The following SLC9A9 variants were observed in gnomAD, a reference collection of about 807,000 sequenced individuals.
SLC9A9 encodes solute carrier family 9 member A9.
A neutral mutation model predicts 77.8 loss-of-function variants in SLC9A9; 62 were observed. The observed-to-expected ratio is 0.80, with a 90% CI of 0.65 to 0.98. The LOEUF is 0.98. SLC9A9 is among the 50% of genes least tolerant of loss of function. The pLI is 0.00. For missense variants in SLC9A9, 775 were observed against 774.9 expected, an observed-to-expected ratio of 1.00 and a Z score of 0.00; for synonymous variants, 320 against 283.5, an observed-to-expected ratio of 1.13 and a Z score of -1.29.
At chr3:143,305,509 C>T (rs1279331637) in intron 14 of SLC9A9, among the ~76,000 whole-genome samples, 1 of 152,068 alleles carries the variant, frequency 6.6e-6, no homozygotes, top group African/African-American at 2.4e-5. Context: ...CCTTAAAGTC[C>T]CAAAGGCAAT....
At chr3:143,502,363 G>T (rs2035936665) in intron 9 of SLC9A9, among the ~76,000 whole-genome samples, 1 of 142,932 alleles carries the variant, frequency 7.0e-6, no homozygotes, top group South Asian at 2.1e-4. Context: ...AACGCTCATG[G>T]TAACCATTCA....
intron 5 of SLC9A9, among the ~76,000 whole-genome samples, chr3:143,679,092 G>A (rs559323670): frequency 5.6e-5 from 8 of 143,906 alleles, no homozygotes; most frequent in Admixed American, 2.9e-4. Flanking sequence ...GGCAATGGGC[G>A]GCTACACACA....
intron 4 of SLC9A9, among the ~76,000 whole-genome samples, chr3:143,738,608 C>A (rs1439534714): frequency 6.6e-6 from 1 of 152,120 alleles, no homozygotes; most frequent in African/African-American, 2.4e-5. Flanking sequence ...TACTATCTAC[C>A]TGGAGTTAGT....
At chr3:143,593,493 C>T (rs2037692685) in intron 6 of SLC9A9, among the ~76,000 whole-genome samples, 1 of 152,164 alleles carries the variant, frequency 6.6e-6, no homozygotes, top group Admixed American at 6.5e-5. Flanking sequence ...TTATTCAAAC[C>T]TATTATCACC....
At chr3:143,802,797 G>A (rs1017762572) in intron 2 of SLC9A9, among the ~76,000 whole-genome samples, 1 of 152,130 alleles carries the variant, frequency 6.6e-6, no homozygotes, top group Non-Finnish European at 1.5e-5. Flanking sequence ...GGACTGGACA[G>A]TACTTTTACC....
intron 1 of SLC9A9, among the ~76,000 whole-genome samples, chr3:143,834,663 G>A (rs950282390): frequency 2.1e-5 from 3 of 140,956 alleles, no homozygotes; most frequent in Non-Finnish European, 3.0e-5. Context: ...AGCAGAGAAA[G>A]CAAGTCTTTG....
At chr3:143,691,789 C>T (rs1266195492) in intron 5 of SLC9A9, among the ~76,000 whole-genome samples, 13 of 152,096 alleles carry the variant, frequency 8.5e-5, no homozygotes, top group Admixed American at 8.5e-4. Context: ...CAAACATAAA[C>T]CGAAGTCCTA....
At chr3:143,284,750 T>C (rs1262609497) in intron 14 of SLC9A9, among the ~76,000 whole-genome samples, 2 of 152,146 alleles carry the variant, frequency 1.3e-5, no homozygotes, top group African/African-American at 4.8e-5. Flanking sequence ...TTAAATACTT[T>C]TTCAAAAAAC....
rs528968665 is a variant in SLC9A9 at position 143,454,039 on chromosome 3, C to G, written c.1469+12998G>C. Among the ~76,000 whole-genome samples the G allele has an allele frequency of 2.6e-5, 4 of 152,286 alleles. No homozygotes were observed. The East Asian group carries it at 7.7e-4, about 29-fold the overall frequency. ...AAGGTGCCATCCTGGAAGCAGAGAA[C>G]CACCCTCACCAGAAAACTAAACCTG... On this transcript the variant is annotated intron_variant, in intron 12 of 15. Coordinates refer to ENST00000316549, the MANE Select transcript of SLC9A9 (RefSeq NM_173653.4).
intron 14 of SLC9A9, among the ~76,000 whole-genome samples, chr3:143,352,994 C>A (rs532900978): frequency 6.6e-6 from 1 of 152,304 alleles, no homozygotes; most frequent in South Asian, 2.1e-4. Flanking sequence ...GGGACACATG[C>A]GGTCCCTACA....
chr3:143,650,578 A>G (rs1292172546), intron 6 of SLC9A9, among the ~76,000 whole-genome samples: 1 of 152,174 alleles, frequency 6.6e-6, no homozygotes, highest in Admixed American at 6.5e-5. Context: ...TGAATATGTA[A>G]GCTTTGGAAG....
At chr3:143,325,834 C>T (rs2031585321) in intron 14 of SLC9A9, among the ~76,000 whole-genome samples, 1 of 152,184 alleles carries the variant, frequency 6.6e-6, no homozygotes, top group South Asian at 2.1e-4. Context: ...CTAGGATCAG[C>T]TCAGGGCAAA....
rs988507286 is a variant in SLC9A9 at position 143,706,473 on chromosome 3, A to T, written c.534-13166T>A. ...TACTTAGACTTTGTTCTTTCTGTTT[A>T]ATTAGAAAGGTTGTGGAGAAAAAGA... On this transcript the variant is annotated intron_variant, in intron 4 of 15. Coordinates refer to ENST00000316549, the MANE Select transcript of SLC9A9 (RefSeq NM_173653.4). Among the ~76,000 whole-genome samples, 4 of 84,046 alleles carry T rather than the reference A, an allele frequency of 4.8e-5. No homozygotes were observed. In the East Asian group the frequency reaches 7.1e-4, roughly 15 times the overall value. 55.1% of individuals were successfully genotyped at this position (84,046 alleles called of 152,430 possible).
At chr3:143,620,167 T>C (rs1012810684) in intron 6 of SLC9A9, among the ~76,000 whole-genome samples, 2 of 152,216 alleles carry the variant, frequency 1.3e-5, no homozygotes, top group Middle Eastern at 3.2e-3. Context: ...CTATTTCATT[T>C]GACATGTAAT....
chr3:143,290,507 C>G (rs1559854293), intron 14 of SLC9A9, among the ~76,000 whole-genome samples: 1 of 152,218 alleles, frequency 6.6e-6, no homozygotes, highest in African/African-American at 2.4e-5. Context: ...ACACTGCCTG[C>G]AGGCCTCCAT....
At chr3:143,485,307 C>A (rs914856495) in intron 11 of SLC9A9, among the ~76,000 whole-genome samples, 1 of 152,196 alleles carries the variant, frequency 6.6e-6, no homozygotes, top group African/African-American at 2.4e-5. Context: ...CTCCCCTTGG[C>A]TGAAGTGATT....
At chr3:143,278,680 G>T (rs1407217221) in intron 14 of SLC9A9, among the ~76,000 whole-genome samples, 1 of 130,670 alleles carries the variant, frequency 7.7e-6, no homozygotes, top group Non-Finnish European at 1.8e-5. Context: ...TTAGGGGCCC[G>T]CCCTGTTCCA....
chr3:143,770,919 A>G (rs1349965075), intron 4 of SLC9A9, among the ~76,000 whole-genome samples: 1 of 152,174 alleles, frequency 6.6e-6, no homozygotes, highest in Non-Finnish European at 1.5e-5. Flanking sequence ...AAGTTTAAAG[A>G]AACCTAGATG....
intron 9 of SLC9A9, among the ~76,000 whole-genome samples, chr3:143,527,990 G>A (rs1170249336): frequency 1.3e-5 from 2 of 152,240 alleles, no homozygotes; most frequent in African/African-American, 2.4e-5. Flanking sequence ...ACTGAAAGTA[G>A]ATCTTTGGAG....
Sources: gnomAD v4.1 joint callset for allele counts (sites outside exome capture counted in the v4.1 genomes callset) on GRCh38, gnomAD v4.1.1 for gene constraint, MANE v1.5 for transcripts, NCBI Gene and HGNC (gene_info 2026-07-23, HGNC 2026-07-21) for gene names.